TSHZ2: variants seen among roughly 807,000 people sequenced by gnomAD.
TSHZ2 encodes teashirt homolog 2.
TSHZ2 carries 21 observed loss-of-function variants against 74.4 expected under a neutral mutation model. The ratio of observed to expected loss-of-function variants is 0.28; its 90% CI spans 0.20 to 0.41. The LOEUF (loss-of-function observed/expected upper bound fraction) is 0.41. Among genes scored for constraint, TSHZ2 ranks in the 10% least tolerant of loss-of-function variants. TSHZ2 has a pLI of 1.00. For synonymous variants in TSHZ2, 540 were observed against 515.3 expected (o/e 1.05, Z -0.65); for missense variants, 1,244 against 1,293.5 (o/e 0.96, Z 0.59).
intron 2 of TSHZ2, among the ~76,000 whole-genome samples, chr20:53,277,522 C>T (rs1990972061): frequency 6.6e-6 from 1 of 151,970 alleles, no homozygotes; most frequent in Non-Finnish European, 1.5e-5. Context: ...ATGCACAGAG[C>T]AATCCTTGGT....
At chr20:53,458,585 T>C (rs1985213486) in intron 2 of TSHZ2, among the ~76,000 whole-genome samples, 1 of 152,178 alleles carries the variant, frequency 6.6e-6, no homozygotes, top group Admixed American at 6.5e-5. Context: ...TGATTTTAGT[T>C]ATTTCTTGCC....
intron 2 of TSHZ2, among the ~76,000 whole-genome samples, chr20:53,379,720 C>T (rs1326560223): frequency 6.6e-6 from 1 of 151,972 alleles, no homozygotes; most frequent in East Asian, 1.9e-4. Flanking sequence ...TTCTAAGGGA[C>T]ACCTTTGACA....
intron 1 of TSHZ2, among the ~76,000 whole-genome samples, chr20:53,154,204 T>G (rs1481407913): frequency 2.0e-5 from 3 of 152,158 alleles, no homozygotes; most frequent in Non-Finnish European, 4.4e-5. Flanking sequence ...GAAAAAGAGC[T>G]TTATCAGGCT....
chr20:53,195,572 T>C (rs994000742), intron 1 of TSHZ2, among the ~76,000 whole-genome samples: 12 of 152,230 alleles, frequency 7.9e-5, no homozygotes, highest in Non-Finnish European at 2.9e-5. Flanking sequence ...TCTTCATTTT[T>C]CCAAAAATTA....
At position 53,254,419 on chromosome 20, in the gene TSHZ2, A is replaced by G. The variant is rs889501052; in HGVS notation, c.961A>G (p.Lys321Glu). The G allele has an allele frequency of 1.2e-6, 2 of 1,613,328 alleles. No individual in the cohort carries two copies. The highest frequency in any genetic ancestry group is 1.7e-6 in the Non-Finnish European group (2 of 1,179,430). Residue 321 changes from lysine (K) to glutamate (E), a missense_variant, in exon 2 of 3, where the codon AAG (lysine) becomes GAG (glutamate). Lys to Glu is a moderately conservative substitution (Grantham distance 56). Transcript: ENST00000371497. ...TTCCTCGAAAATGGTCACCCCGGCT[A>G]AGAAACGCGTTTTTGATGTCAATCG... is the stretch of plus-strand genomic sequence containing the variant. ...TISSKMVTPAKKRVFDVNRPC... is the reference protein window; with the variant it reads ...TISSKMVTPAEKRVFDVNRPC...
intron 2 of TSHZ2, among the ~76,000 whole-genome samples, chr20:53,389,139 T>A (rs900737261): frequency 6.6e-6 from 1 of 152,230 alleles, no homozygotes; most frequent in African/African-American, 2.4e-5. Flanking sequence ...AAAGTATGAA[T>A]GTCTGAAAAC....
chr20:52,991,451 G>C (rs945330082), intron 1 of TSHZ2, among the ~76,000 whole-genome samples: 1 of 145,298 alleles, frequency 6.9e-6, no homozygotes, highest in Admixed American at 6.8e-5. Context: ...ATTTTGTGTG[G>C]ATTATGTATG....
chr20:53,309,723 G>C (rs1007586183), intron 2 of TSHZ2, among the ~76,000 whole-genome samples: 4 of 152,148 alleles, frequency 2.6e-5, no homozygotes, highest in Non-Finnish European at 5.9e-5. Context: ...ACGTCTGTCA[G>C]CCATGAGATG....
At position 53,328,425 on chromosome 20, in the gene TSHZ2, CTT is replaced by C. The variant is rs560173756; in HGVS notation, c.*8+71856_*8+71857del. Among the ~76,000 whole-genome samples, 685 of 152,292 alleles carry C rather than the reference CTT, an allele frequency of 4.5e-3. 6 individuals carry two copies. The highest frequency in any genetic ancestry group is 0.016 in the African/African-American group (655 of 41,558). On this transcript the variant is annotated intron_variant, in intron 2 of 2. Coordinates refer to ENST00000371497, the MANE Select transcript of TSHZ2 (RefSeq NM_173485.6). ...AGACTTATCATTTGTAATTTGGACT[CTT>C]TATTCCTGAGCTACTCACATTATAG...
At chr20:53,428,756 C>T (rs887676214) in intron 2 of TSHZ2, among the ~76,000 whole-genome samples, 20 of 152,160 alleles carry the variant, frequency 1.3e-4, no homozygotes, top group Non-Finnish European at 2.4e-4. Context: ...CTAACTGATA[C>T]TCCTCTTCCA....
chr20:53,478,659 AAAAT>A (rs917041501), intron 2 of TSHZ2, among the ~76,000 whole-genome samples: 22 of 145,406 alleles, frequency 1.5e-4, no homozygotes, highest in African/African-American at 3.1e-4. Flanking sequence ...ACTTTAATAA[AAAAT>A]AAATAAAAAA....
chr20:53,487,819 T>G lies in TSHZ2; in HGVS notation c.*684T>G, dbSNP rs554381777. 1 of 152,200 alleles carries G rather than the reference T, an allele frequency of 6.6e-6. No homozygotes were observed. Among genetic ancestry groups the G allele is most frequent in the Non-Finnish European group, 1.5e-5 (1 of 68,030 alleles). 9.4% of individuals were successfully genotyped at this position (152,200 alleles called of 1,614,324 possible). On this transcript the variant is annotated 3_prime_UTR_variant, in exon 3 of 3. Coordinates refer to ENST00000371497, the MANE Select transcript of TSHZ2 (RefSeq NM_173485.6). ...TCATCTTCTGTGAAACTTGCTCAAA[T>G]AGTTAAGCTTAACCATGTTGCTGCC...
At chr20:53,217,317 G>A (rs1472748790) in intron 1 of TSHZ2, among the ~76,000 whole-genome samples, 1 of 152,132 alleles carries the variant, frequency 6.6e-6, no homozygotes, top group Non-Finnish European at 1.5e-5. Context: ...GAGCAGAAGG[G>A]GCCTGGCCTC....
intron 2 of TSHZ2, among the ~76,000 whole-genome samples, chr20:53,274,522 G>A (rs1990902105): frequency 6.6e-6 from 1 of 152,158 alleles, no homozygotes; most frequent in South Asian, 2.1e-4. Flanking sequence ...TGACCTTTTT[G>A]GCATCCCCGT....
intron 1 of TSHZ2, among the ~76,000 whole-genome samples, chr20:53,066,789 A>G (rs1985004364): frequency 6.6e-6 from 1 of 152,194 alleles, no homozygotes; most frequent in Non-Finnish European, 1.5e-5. Flanking sequence ...TACAGGCGTG[A>G]GCCACCACGA....
At chr20:53,411,912 A>G (rs1467269595) in intron 2 of TSHZ2, among the ~76,000 whole-genome samples, 1 of 152,212 alleles carries the variant, frequency 6.6e-6, no homozygotes, top group Non-Finnish European at 1.5e-5. Context: ...CATTTAACAA[A>G]GAGTCCCACA....
chr20:53,028,475 C>T (rs1021207305), intron 1 of TSHZ2, among the ~76,000 whole-genome samples: 30 of 152,234 alleles, frequency 2.0e-4, no homozygotes, highest in Non-Finnish European at 3.4e-4. Flanking sequence ...ACTCGCTGCT[C>T]CTGTTGGTTG....
chr20:53,368,725 T>C (rs1322794591), intron 2 of TSHZ2, among the ~76,000 whole-genome samples: 1 of 152,260 alleles, frequency 6.6e-6, no homozygotes, highest in Non-Finnish European at 1.5e-5. Flanking sequence ...AAAGATGCTC[T>C]GGGAGGTTTT....
intron 2 of TSHZ2, among the ~76,000 whole-genome samples, chr20:53,454,078 ATAAACT>A (rs1005607321): frequency 6.6e-6 from 1 of 152,238 alleles, no homozygotes; most frequent in Non-Finnish European, 1.5e-5. Flanking sequence ...TGTCTTTGCC[ATAAACT>A]TAAACAACTT....
Sources: gnomAD v4.1 joint callset for allele counts (sites outside exome capture counted in the v4.1 genomes callset) on GRCh38, gnomAD v4.1.1 for gene constraint, MANE v1.5 for transcripts, NCBI Gene and HGNC (gene_info 2026-07-23, HGNC 2026-07-21) for gene names.